TRRAP: variants seen among roughly 807,000 people sequenced by gnomAD.
TRRAP encodes the protein transformation/transcription domain-associated protein.
A neutral mutation model predicts 438.8 loss-of-function variants in TRRAP; 41 were observed. The observed-to-expected ratio is 0.09, with a 90% confidence interval of 0.07 to 0.12. The LOEUF (loss-of-function observed/expected upper bound fraction) is 0.12, where lower values mean the gene tolerates loss of function less well. Among genes scored for constraint, TRRAP ranks in the 10% least tolerant of loss-of-function variants. TRRAP has a pLI of 1.00. For synonymous variants in TRRAP, 1,994 were observed against 1,962.9 expected (o/e 1.02, Z -0.42); for missense variants, 3,122 against 5,055.1 (o/e 0.62, Z 11.60).
At chr7:98,967,454 C>T (rs766787678) in intron 50 of TRRAP, 31 bp from the exon 51 acceptor site, 25 of 1,609,548 alleles carry the variant, frequency 1.6e-5, no homozygotes, top group African/African-American at 4.0e-5. Context: ...GGGAGTCCAT[C>T]GTCTTGCCTG....
intron 25 of TRRAP, 25 bp from the exon 26 acceptor site, chr7:98,931,380 A>G (rs1562947359): frequency 1.9e-6 from 3 of 1,608,298 alleles, no homozygotes; most frequent in East Asian, 2.2e-5. Flanking sequence ...CCCTGCTTTC[A>G]TTCTAAGACA....
rs137994131 is a variant in TRRAP, at chr7:98,913,865, T to C, written c.2199+1652T>C. The stretch of plus-strand genomic sequence containing the variant: ...GCAGCAGGTGGTAGAATAAAAACCT[T>C]ATAAAAATGCACTCCCTCTTGTGGC... On this transcript the variant is annotated intron_variant, in intron 18 of 72. Transcript: ENST00000456197. Among the ~76,000 whole-genome samples, 124 of 152,284 alleles carry C rather than the reference T, an allele frequency of 8.1e-4. 1 individual carries two copies. Among genetic ancestry groups the C allele is most frequent in the Admixed American group, 1.8e-3 (27 of 15,290 alleles).
chr7:98,911,920 T>G, intron 17 of TRRAP, 102 bp from the exon 18 acceptor site: 1 of 1,035,598 alleles, frequency 9.7e-7, no homozygotes, highest in Non-Finnish European at 1.4e-6. Context: ...TTGGAATGTG[T>G]GATACAGGCT....
Position 98,967,473 on chromosome 7 carries a change from T to G in TRRAP, c.7299-12T>G. The stretch of plus-strand genomic sequence containing the variant: ...GTCCATCGTCTTGCCTGTCTCTGAC[T>G]TGGTGTTACAGGGATGAGACCCTCT... On this transcript the variant is annotated splice_polypyrimidine_tract_variant and intron_variant, in intron 50 of 72. Coordinates refer to ENST00000456197, the MANE Select transcript of TRRAP (RefSeq NM_001375524.1). 1 of 1,613,414 alleles carries G rather than the reference T, an allele frequency of 6.2e-7. No homozygotes were observed. The highest frequency in any genetic ancestry group is 8.5e-7 in the Non-Finnish European group (1 of 1,179,878).
intron 51 of TRRAP, among the ~76,000 whole-genome samples, chr7:98,968,610 C>T (rs529449238): frequency 1.3e-5 from 2 of 152,248 alleles, no homozygotes; most frequent in South Asian, 2.1e-4. Context: ...CAGTGCTGTG[C>T]AGGTAGTTCT....
At position 98,994,792 on chromosome 7, in the gene TRRAP, C is replaced by T; in HGVS notation, c.10253C>T (p.Ala3418Val). 2 of 1,614,126 alleles carry T rather than the reference C, an allele frequency of 1.2e-6. No homozygotes were observed. Among genetic ancestry groups the T allele is most frequent in the Non-Finnish European group, 1.7e-6 (2 of 1,179,992 alleles). Reference protein sequence around the residue: ...SAASESLARRAQATAQDPVFQ... With the variant: ...SAASESLARRVQATAQDPVFQ... ...GCCTCTGAGTCTCTGGCCCGGCGGGCGCAGGCCACTGCACAAGACCCTGTC... is the reference window on the plus strand; with the variant it reads ...GCCTCTGAGTCTCTGGCCCGGCGGGTGCAGGCCACTGCACAAGACCCTGTC... The change falls in exon 67 of 73, where the codon GCG becomes GTG. Residue 3418 changes from alanine to valine, a missense_variant. By Grantham distance (64) the Ala-to-Val change is moderately conservative (BLOSUM62 0). This residue lies in a region of TRRAP where 107 missense variants were observed against 327.5 expected (regional missense o/e 0.33). Transcript: ENST00000456197. This position sits in a 1 kb window ranked among gnomAD's most constrained non-coding sequence, Gnocchi z 4.8.
chr7:98,979,949 T>C (rs906102284), intron 58 of TRRAP, among the ~76,000 whole-genome samples: 2 of 152,170 alleles, frequency 1.3e-5, no homozygotes, highest in African/African-American at 4.8e-5. Context: ...TTTTTTTCAG[T>C]GGGGAAAATA....
intron 11 of TRRAP, among the ~76,000 whole-genome samples, chr7:98,903,049 C>CGA (rs1554406958): frequency 2.0e-5 from 3 of 151,598 alleles, no homozygotes; most frequent in African/African-American, 4.8e-5. Flanking sequence ...TTTTTGGAGA[C>CGA]GAGTCTCACT....
In TRRAP at chr7:98,953,402, A is replaced by C; in HGVS notation, c.5699A>C (p.Lys1900Thr). 6.2e-7 allele frequency: 1 copy of C among 1,612,802 alleles called. No individual in the cohort carries two copies. The highest frequency in any genetic ancestry group is 1.1e-5 in the South Asian group (1 of 91,078). ...GHLLLAHIIAKFAIHKKIVLQ... is the reference protein window; with the variant it reads ...GHLLLAHIIATFAIHKKIVLQ... The stretch of plus-strand genomic sequence containing the variant: ...TTGCTCCTGGCGCACATTATCGCCA[A>C]ATTCGCCATACACAAGAAGATCGTC... Residue 1900 changes from lysine (K) to threonine (T), a missense_variant, in exon 40 of 73, where the codon AAA (lysine) becomes ACA (threonine). By Grantham distance (78) the Lys-to-Thr change is moderately conservative. This residue lies in a region of TRRAP where 22 missense variants were observed against 28.8 expected (regional missense o/e 0.76). Coordinates refer to ENST00000456197, the MANE Select transcript of TRRAP (RefSeq NM_001375524.1).
chr7:98,952,781 G>A (rs782088041), intron 39 of TRRAP, among the ~76,000 whole-genome samples: 5 of 152,100 alleles, frequency 3.3e-5, no homozygotes, highest in Non-Finnish European at 7.4e-5. Flanking sequence ...TCTCATGCTC[G>A]GTAAGTCAGC....
rs879042433 is a variant in TRRAP at position 98,993,847 on chromosome 7, A to G, written c.10047+110A>G. On this transcript the variant is annotated intron_variant, in intron 66 of 72. Coordinates refer to ENST00000456197, the MANE Select transcript of TRRAP (RefSeq NM_001375524.1). Reference sequence around the variant, plus strand: ...GCTTTAGTTGCCGGTCCTTTTATATATTTGTTGTTGAACTTAACCATGGAC... The same window carrying G: ...GCTTTAGTTGCCGGTCCTTTTATATGTTTGTTGTTGAACTTAACCATGGAC... The G allele has an allele frequency of 5.3e-6, 6 of 1,132,390 alleles. No homozygotes were observed. The Admixed American group carries it at 8.6e-5, about 16-fold the overall frequency. The allele number at this position is 1,132,390 out of a possible 1,614,324, so 70.1% of individuals were successfully genotyped here. A position where few individuals can be genotyped will look rare whatever the true frequency, so the allele number is the denominator to read the frequency against.
At chr7:98,915,921 T>C in intron 19 of TRRAP, 33 bp downstream of exon 19, 1 of 1,612,624 alleles carries the variant, frequency 6.2e-7, no homozygotes, top group Non-Finnish European at 8.5e-7. Flanking sequence ...CCTTTTAGTC[T>C]TGTGTGTCAT....
intron 62 of TRRAP, among the ~76,000 whole-genome samples, chr7:98,985,879 C>T (rs1793128978): frequency 6.6e-6 from 1 of 152,224 alleles, no homozygotes; most frequent in Non-Finnish European, 1.5e-5. Context: ...ACCATTACCA[C>T]TAGCTAATTC....
chr7:98,880,262 GTTTT>G (rs201053093), intron 1 of TRRAP, among the ~76,000 whole-genome samples: 2 of 132,110 alleles, frequency 1.5e-5, no homozygotes, highest in African/African-American at 5.7e-5. Context: ...TGTTGTTGTT[GTTTT>G]TTTTTTTTTT....
chr7:98,922,564 C>T lies in TRRAP; in HGVS notation c.2823+611C>T, dbSNP rs79700283. Among the ~76,000 whole-genome samples the T allele has an allele frequency of 3.3e-3, 498 of 152,256 alleles. 1 individual carries two copies. The highest frequency in any genetic ancestry group is 0.011 in the African/African-American group (471 of 41,542). The stretch of plus-strand genomic sequence containing the variant: ...TTCTGTGTCAGCATCATTCCATCGT[C>T]ACGTTGGCTTTTCCCTCTGACTCTG... On this transcript the variant is annotated intron_variant, in intron 21 of 72. Transcript: ENST00000456197.
chr7:98,959,955 GA>G (rs1162377514), intron 45 of TRRAP, among the ~76,000 whole-genome samples: 78 of 122,642 alleles, frequency 6.4e-4, no homozygotes, highest in Admixed American at 3.2e-3. Context: ...AAAAAAAAAA[GA>G]AAAAGAAAAG....
In TRRAP at chr7:99,003,854, G is replaced by A. The variant is rs181166628; in HGVS notation, c.10310-336G>A. Among the ~76,000 whole-genome samples the A allele has an allele frequency of 9.3e-3, 1,422 of 152,188 alleles. 18 individuals carry two copies. Among genetic ancestry groups the A allele is most frequent in the Middle Eastern group, 0.024 (7 of 292 alleles). On this transcript the variant is annotated intron_variant, in intron 67 of 72. Transcript: ENST00000456197. ...TGAGGTGGGCGGATCATCTGAGGTC[G>A]GGAGTTCAAGACCAGCCTGGCCAAC...
Position 98,970,103 on chromosome 7 carries a change from C to A in TRRAP, c.7513-9C>A. The A allele has an allele frequency of 1.2e-6, 2 of 1,613,218 alleles. No individual in the cohort carries two copies. The highest frequency in any genetic ancestry group is 2.2e-5 in the South Asian group (2 of 91,030). On this transcript the variant is annotated splice_polypyrimidine_tract_variant and intron_variant, in intron 51 of 72. Transcript: ENST00000456197. ...CCTTGGGTCTGTCTCCTTTCCGCAC[C>A]CCTTGCAGCTGCTTCTGGCCGTGTG...
At chr7:99,010,073 A>C (rs951695416) in intron 70 of TRRAP, among the ~76,000 whole-genome samples, 8 of 151,676 alleles carry the variant, frequency 5.3e-5, no homozygotes. Context: ...TTTTTAGGAG[A>C]GATGGGGTTT....
Sources: allele counts gnomAD v4.1 joint callset (sites outside exome capture counted in the v4.1 genomes callset), GRCh38; gene constraint gnomAD v4.1.1; regional missense constraint gnomAD v4.1.1; non-coding constraint Gnocchi (gnomAD v3.1); transcripts MANE v1.5; gene names NCBI Gene and HGNC (gene_info 2026-07-23, HGNC 2026-07-21).